HOMER2: variants seen among roughly 807,000 people sequenced by gnomAD.
The protein encoded by HOMER2 is homer protein homolog 2.
HOMER2 carries 27 observed loss-of-function variants against 47.0 expected under a neutral mutation model. That is an observed-to-expected ratio of 0.57 (90% CI 0.42 to 0.79). HOMER2 has a LOEUF of 0.79. HOMER2 is among the 30% of genes least tolerant of loss of function. The pLI is 0.00. For synonymous variants in HOMER2, 161 were observed against 163.8 expected (o/e 0.98, Z 0.13); for missense variants, 443 against 435.0 (o/e 1.02, Z -0.16).
intron 2 of HOMER2, among the ~76,000 whole-genome samples, chr15:82,880,353 T>C (rs1265542719): frequency 2.0e-5 from 3 of 152,226 alleles, no homozygotes; most frequent in Non-Finnish European, 4.4e-5. Context: ...GGCAAAACTA[T>C]GCAGAAAAGC....
At chr15:82,868,541 A>ATATATATATATATATATATATATTTTT in intron 3 of HOMER2, among the ~76,000 whole-genome samples, 6 of 71,260 alleles carry the variant, frequency 8.4e-5, no homozygotes, top group Admixed American at 3.7e-4. Flanking sequence ...ATATATATAT[A>ATATATATATATATATATATATATTTTT]TTTTTTTTTT....
chr15:82,957,340 A>G (rs2054595750), upstream of HOMER2, among the ~76,000 whole-genome samples: 1 of 152,082 alleles, frequency 6.6e-6, no homozygotes, highest in African/African-American at 2.4e-5. Flanking sequence ...CTCAGTCCCT[A>G]GTATAGTACA....
At chr15:82,974,015 T>C (rs1027292555) in intron 1 of HOMER2, among the ~76,000 whole-genome samples, 2 of 151,182 alleles carry the variant, frequency 1.3e-5, no homozygotes, top group African/African-American at 2.4e-5. Flanking sequence ...CGAGGGTCAC[T>C]TGAACCCAGG....
chr15:82,892,349 T>C (rs963991538), intron 2 of HOMER2, among the ~76,000 whole-genome samples: 1 of 152,172 alleles, frequency 6.6e-6, no homozygotes, highest in Non-Finnish European at 1.5e-5. Flanking sequence ...CAATGGTATG[T>C]GAACAATTGA....
intron 6 of HOMER2, 116 bp from the exon 7 acceptor site, chr15:82,852,368 C>T: frequency 1.4e-6 from 1 of 712,754 alleles, no homozygotes; most frequent in East Asian, 2.8e-5. Context: ...AACTAATCCA[C>T]TTATAAGATT....
intron 2 of HOMER2, among the ~76,000 whole-genome samples, chr15:82,876,857 T>C (rs2052365053): frequency 6.6e-6 from 1 of 152,228 alleles, no homozygotes. Flanking sequence ...ATACAAACCG[T>C]TGCCTTAACT....
chr15:82,922,851 T>C (rs2053765001), intron 1 of HOMER2, among the ~76,000 whole-genome samples: 1 of 152,188 alleles, frequency 6.6e-6, no homozygotes, highest in Admixed American at 6.5e-5. Context: ...ATGTCCCTGC[T>C]CACCCCATAC....
chr15:82,858,668 G>A (rs2051668096), intron 5 of HOMER2, among the ~76,000 whole-genome samples: 1 of 151,810 alleles, frequency 6.6e-6, no homozygotes, highest in Non-Finnish European at 1.5e-5. Flanking sequence ...AAGCACAGGG[G>A]TGCATTCACA....
chr15:82,852,118 C>T (rs745438718), intron 7 of HOMER2, 24 bp downstream of exon 7: 3 of 1,568,078 alleles, frequency 1.9e-6, no homozygotes, highest in African/African-American at 1.4e-5. Context: ...GCCAAGGGGC[C>T]CTGCTCGGAG....
At chr15:82,912,594 G>A (rs1596347704) in intron 1 of HOMER2, among the ~76,000 whole-genome samples, 1 of 151,948 alleles carries the variant, frequency 6.6e-6, no homozygotes, top group Non-Finnish European at 1.5e-5. Flanking sequence ...TTGGCTCTTG[G>A]GTATATATAC....
intron 1 of HOMER2, among the ~76,000 whole-genome samples, chr15:82,918,500 C>G (rs1236094443): frequency 6.6e-6 from 1 of 152,108 alleles, no homozygotes; most frequent in African/African-American, 2.4e-5. Flanking sequence ...GCAGGTGAGG[C>G]TGGGTGGTCT....
rs2306428 is a variant in HOMER2, at chr15:82,854,635, C to T, written c.651+9G>A. 0.083 allele frequency: 133,153 copies of T among 1,608,334 alleles called. 6,492 individuals carry two copies. Among genetic ancestry groups the T allele is most frequent in the East Asian group, 0.22 (9,932 of 44,684 alleles). ...TGGCCTCGGGGCTCACTGCATCCAC[C>T]GTACCCACCTTGTTGCGGAGCCGGT... On this transcript the variant is annotated intron_variant, in intron 6 of 8. Transcript: ENST00000450735.
chr15:82,952,793 G>A (rs1282919834), upstream of HOMER2: 5 of 825,872 alleles, frequency 6.1e-6, no homozygotes, highest in Non-Finnish European at 7.3e-6. Context: ...CCCCCGCCCG[G>A]CTCCTTACGT....
chr15:82,906,433 CTTT>C (rs1185595370), intron 1 of HOMER2, among the ~76,000 whole-genome samples: 3 of 141,054 alleles, frequency 2.1e-5, no homozygotes, highest in Non-Finnish European at 1.6e-5. Flanking sequence ...AAGAAATCCA[CTTT>C]TTTTTTTTTT....
chr15:82,839,209 C>T (rs1056917429), exon 2 of HOMER2: 37 of 152,204 alleles, frequency 2.4e-4, no homozygotes, highest in African/African-American at 8.7e-4. Flanking sequence ...GGCTAGTCCC[C>T]ACAGAAGAAA....
intron 4 of HOMER2, among the ~76,000 whole-genome samples, chr15:82,860,926 G>A (rs907577554): frequency 4.0e-5 from 4 of 100,702 alleles, no homozygotes; most frequent in South Asian, 3.5e-4. Flanking sequence ...GACACAGTGA[G>A]ACTCTGTCTC....
At chr15:82,846,464 G>A (rs2051248887), downstream of HOMER2, 1 of 152,154 alleles carries the variant, frequency 6.6e-6, no homozygotes, top group African/African-American at 2.4e-5. Flanking sequence ...ATTGTAATAT[G>A]CTCTTATCAG....
intron 1 of HOMER2, among the ~76,000 whole-genome samples, chr15:82,946,145 A>C: frequency 6.6e-6 from 1 of 152,120 alleles, no homozygotes; most frequent in Non-Finnish European, 1.5e-5. Context: ...AAACCTAATA[A>C]TTTACACAAA....
rs192465030 is a variant in HOMER2, at chr15:82,938,353, G to A, written c.5+14178C>T. ...CGCGCCACTGCACTCCAGCCTGGGC[G>A]ACAGAGCAAGACACCGTCCCCCGCA... On this transcript the variant is annotated intron_variant, in intron 1 of 8. Coordinates refer to ENST00000450735, the MANE Select transcript of HOMER2 (RefSeq NM_004839.4). Among the ~76,000 whole-genome samples, 83 of 152,180 alleles carry A rather than the reference G, an allele frequency of 5.5e-4. 1 individual carries two copies. In the East Asian group the frequency reaches 8.1e-3, roughly 15 times the overall value.
Sources: allele counts gnomAD v4.1 joint callset (sites outside exome capture counted in the v4.1 genomes callset), GRCh38; gene constraint gnomAD v4.1.1; transcripts MANE v1.5; gene names NCBI Gene and HGNC (gene_info 2026-07-23, HGNC 2026-07-21).